Variants in HLCS observed in about 807,000 individuals in gnomAD.
HLCS encodes the protein biotin--protein ligase.
A neutral mutation model predicts 75.0 loss-of-function variants in HLCS; 53 were observed. The ratio of observed to expected loss-of-function variants is 0.71; its 90% CI spans 0.57 to 0.89. The LOEUF (loss-of-function observed/expected upper bound fraction) is 0.89. Among genes scored for constraint, HLCS ranks in the 40% least tolerant of loss-of-function variants. HLCS has a pLI of 0.00. For missense variants in HLCS, 966 were observed against 1,074.0 expected, an observed-to-expected ratio of 0.90 and a Z score of 1.41; for synonymous variants, 431 against 428.6, an observed-to-expected ratio of 1.01 and a Z score of -0.07.
chr21:36,926,984 G>A (rs775670669), intron 5 of HLCS, among the ~76,000 whole-genome samples: 1 of 152,070 alleles, frequency 6.6e-6, no homozygotes, highest in Non-Finnish European at 1.5e-5. Flanking sequence ...GGGCTTGAGC[G>A]ATCCACCTGC....
chr21:36,952,172 C>T (rs2067697896), intron 2 of HLCS, among the ~76,000 whole-genome samples: 1 of 152,136 alleles, frequency 6.6e-6, no homozygotes, highest in Non-Finnish European at 1.5e-5. Flanking sequence ...ATTCAAATGG[C>T]TGTGAAGTCA....
intron 8 of HLCS, among the ~76,000 whole-genome samples, chr21:36,764,381 G>C (rs1461297791): frequency 6.6e-6 from 1 of 151,890 alleles, no homozygotes; most frequent in Admixed American, 6.6e-5. Context: ...TGGTGACAAA[G>C]TGAGACTCTG....
At chr21:36,893,191 C>A (rs2064866013) in intron 6 of HLCS, among the ~76,000 whole-genome samples, 1 of 152,160 alleles carries the variant, frequency 6.6e-6, no homozygotes, top group Non-Finnish European at 1.5e-5. Context: ...CTGCCTCAGC[C>A]TCTTGAGTAG....
intron 6 of HLCS, among the ~76,000 whole-genome samples, chr21:36,835,500 G>A (rs761945134): frequency 3.3e-5 from 5 of 152,290 alleles, no homozygotes; most frequent in Admixed American, 1.3e-4. Context: ...TTATCACTCT[G>A]TCCCTCCCTA....
At chr21:36,813,611 ATG>A (rs1344625914) in intron 6 of HLCS, among the ~76,000 whole-genome samples, 1 of 152,236 alleles carries the variant, frequency 6.6e-6, no homozygotes, top group African/African-American at 2.4e-5. Context: ...AGTTGGAAAA[ATG>A]TGTAATGAAT....
Position 36,842,487 on chromosome 21 carries a change from C to A in HLCS, c.1892+54373G>T, listed in dbSNP as rs2062649123. On this transcript the variant is annotated intron_variant, in intron 6 of 10. Transcript: ENST00000674895. The surrounding 1 kb of genome is among the most constrained non-coding windows in gnomAD (Gnocchi z 4.2). The stretch of plus-strand genomic sequence containing the variant: ...AGGCACAGTGGCTCATCCCTATAAT[C>A]CCAGCACTTCGGGAGGCCAAGGTGG... Among the ~76,000 whole-genome samples, 1 of 152,212 alleles carries A rather than the reference C, an allele frequency of 6.6e-6. No homozygotes were observed.
At chr21:36,879,688 T>G (rs955129344) in intron 6 of HLCS, among the ~76,000 whole-genome samples, 1 of 152,000 alleles carries the variant, frequency 6.6e-6, no homozygotes, top group African/African-American at 2.4e-5. Flanking sequence ...TCCCAGAACT[T>G]TGGGAGGCCA....
At chr21:36,823,645 G>GTGTGTGTGTA (rs1347977458) in intron 6 of HLCS, among the ~76,000 whole-genome samples, 208 of 151,410 alleles carry the variant, frequency 1.4e-3, no homozygotes, top group African/African-American at 4.8e-3. Context: ...GTGTGTGTGT[G>GTGTGTGTGTA]TGTACACATG....
intron 3 of HLCS, 152 bp downstream of exon 3, chr21:36,938,680 T>C: frequency 4.0e-6 from 3 of 742,826 alleles, no homozygotes; most frequent in Non-Finnish European, 4.5e-6. Flanking sequence ...TTTGTTTGTT[T>C]GTTTTTTTGG....
intron 6 of HLCS, among the ~76,000 whole-genome samples, chr21:36,831,274 G>A (rs77038854): frequency 0.018 from 2,716 of 152,262 alleles, 75 homozygotes; most frequent in African/African-American, 0.062. Context: ...GACAAGTTAT[G>A]CAAAACGTTT....
chr21:36,907,638 C>T (rs1009626399), intron 5 of HLCS, among the ~76,000 whole-genome samples: 2 of 151,330 alleles, frequency 1.3e-5, no homozygotes, highest in African/African-American at 4.9e-5. Context: ...GGCGACAGAG[C>T]GAGACTCCAT....
upstream of HLCS, among the ~76,000 whole-genome samples, chr21:36,970,087 A>C (rs563114011): frequency 6.6e-6 from 1 of 152,304 alleles, no homozygotes; most frequent in African/African-American, 2.4e-5. Flanking sequence ...GAGAGAGTAG[A>C]GTGTTTACTG....
At position 36,756,583 on chromosome 21, in the gene HLCS, G is replaced by C. The variant is rs763530346; in HGVS notation, c.2409C>G (p.Pro803=). Residue 803 remains proline (P), a synonymous_variant, in exon 10 of 11, where the codon CCC becomes CCG. Coordinates refer to ENST00000674895, the MANE Select transcript of HLCS (RefSeq NM_001352514.2). ...GGTAATAAAGGGGAAGGACGCTGTT[G>C]GGCCCTTTGTCCTGAAACTCTTTGA... The part of the protein sequence containing the change: ...KLIKEFQDKG[P]NSVLPLYYRY... 3 of 1,613,814 alleles carry C rather than the reference G, an allele frequency of 1.9e-6. No homozygotes were observed. The highest frequency in any genetic ancestry group is 4.5e-5 in the East Asian group (2 of 44,870).
intron 5 of HLCS, among the ~76,000 whole-genome samples, chr21:36,916,351 T>C (rs1388114326): frequency 1.3e-5 from 2 of 152,006 alleles, no homozygotes; most frequent in East Asian, 3.9e-4. Context: ...TTATGTTCTG[T>C]AATTTAAGAC....
intron 6 of HLCS, among the ~76,000 whole-genome samples, chr21:36,854,030 G>A (rs1052201900): frequency 1.3e-5 from 2 of 152,084 alleles, no homozygotes; most frequent in African/African-American, 2.4e-5. Context: ...ATAAAATAAC[G>A]ATGTGAAATT....
intron 1 of HLCS, chr21:36,971,719 C>G (rs1049866453): frequency 6.6e-6 from 1 of 151,622 alleles, no homozygotes; most frequent in Non-Finnish European, 1.5e-5. Flanking sequence ...GTCCCACCTA[C>G]TCAGGAGGCT....
At chr21:36,767,317 A>C (rs1194550291) in intron 6 of HLCS, 32 bp from the exon 7 acceptor site, 26 of 1,605,082 alleles carry the variant, frequency 1.6e-5, no homozygotes. Context: ...CGGTTAGGCC[A>C]GACATGGACA....
intron 2 of HLCS, among the ~76,000 whole-genome samples, chr21:36,940,165 G>A (rs923343984): frequency 6.6e-5 from 10 of 152,130 alleles, no homozygotes; most frequent in African/African-American, 1.7e-4. Flanking sequence ...CTCAATTACC[G>A]ACAGCTGCTT....
At chr21:36,836,901 G>T (rs1421199906) in intron 6 of HLCS, among the ~76,000 whole-genome samples, 2 of 152,042 alleles carry the variant, frequency 1.3e-5, no homozygotes, top group African/African-American at 2.4e-5. Context: ...AAACTGCACG[G>T]CGGCTGGGCA....
Sources: allele counts gnomAD v4.1 joint callset (sites outside exome capture counted in the v4.1 genomes callset), GRCh38; gene constraint gnomAD v4.1.1; non-coding constraint Gnocchi (gnomAD v3.1); transcripts MANE v1.5; gene names NCBI Gene and HGNC (gene_info 2026-07-23, HGNC 2026-07-21).